ALKBH8: variants seen among roughly 807,000 people sequenced by gnomAD.
ALKBH8 encodes tRNA (carboxymethyluridine(34)-5-O)-methyltransferase ALKBH8.
A neutral mutation model predicts 59.8 loss-of-function variants in ALKBH8; 36 were observed. That is an observed-to-expected ratio of 0.60 (90% CI 0.46 to 0.79). ALKBH8 has a LOEUF of 0.79. Among genes scored for constraint, ALKBH8 ranks in the 30% least tolerant of loss-of-function variants. The pLI is 0.00. For synonymous variants in ALKBH8, 276 were observed against 273.6 expected (o/e 1.01, Z -0.09); for missense variants, 768 against 801.0 (o/e 0.96, Z 0.50).
At chr11:107,557,777 T>A (rs190010232) in intron 2 of ALKBH8, among the ~76,000 whole-genome samples, 2 of 152,328 alleles carry the variant, frequency 1.3e-5, no homozygotes, top group East Asian at 3.9e-4. Context: ...CAAGGAAATT[T>A]TGCAGGGATG....
chr11:107,529,725 G>A (rs1485355392), intron 8 of ALKBH8, among the ~76,000 whole-genome samples: 3 of 151,382 alleles, frequency 2.0e-5, no homozygotes, highest in Non-Finnish European at 4.4e-5. Context: ...GTCTGGTCTC[G>A]GACTCCTGAC....
chr11:107,505,583 C>T (rs995422885), intron 11 of ALKBH8, among the ~76,000 whole-genome samples: 1 of 152,204 alleles, frequency 6.6e-6, no homozygotes, highest in African/African-American at 2.4e-5. Flanking sequence ...ATCGTGTCAA[C>T]TATACTATGG....
intron 1 of ALKBH8, chr11:107,565,341 C>T (rs1865087828): frequency 5.2e-6 from 3 of 572,532 alleles, no homozygotes; most frequent in South Asian, 2.1e-5. Context: ...CTCTCCAACC[C>T]CAAAGAAAAC....
At chr11:107,553,261 T>A in intron 4 of ALKBH8, 58 bp from the exon 5 acceptor site, 5 of 1,171,726 alleles carry the variant, frequency 4.3e-6, no homozygotes, top group Non-Finnish European at 4.8e-6. Flanking sequence ...TTCCTTTGCA[T>A]ATTTCAGTCA....
chr11:107,538,397 T>TA (rs1278055427), intron 7 of ALKBH8, among the ~76,000 whole-genome samples: 1 of 152,154 alleles, frequency 6.6e-6, no homozygotes, highest in Non-Finnish European at 1.5e-5. Context: ...AAAAAGACTT[T>TA]AAAAAAATAT....
intron 8 of ALKBH8, among the ~76,000 whole-genome samples, chr11:107,528,731 T>C (rs1863452649): frequency 6.6e-6 from 1 of 152,142 alleles, no homozygotes; most frequent in Admixed American, 6.5e-5. Context: ...ATCCATATGT[T>C]AAAGTAATGA....
intron 7 of ALKBH8, among the ~76,000 whole-genome samples, chr11:107,535,372 T>A (rs181552355): frequency 2.4e-4 from 36 of 152,318 alleles, no homozygotes; most frequent in Non-Finnish European, 7.4e-5. Context: ...TTCTGACCAA[T>A]AGTGTAAAAG....
chr11:107,508,532 T>G (rs1862490600), intron 11 of ALKBH8, among the ~76,000 whole-genome samples: 1 of 152,186 alleles, frequency 6.6e-6, no homozygotes, highest in Non-Finnish European at 1.5e-5. Context: ...TTTTAACCAT[T>G]TTTAAGTGTA....
chr11:107,513,840 G>C (rs1249107156), intron 10 of ALKBH8, among the ~76,000 whole-genome samples: 2 of 152,140 alleles, frequency 1.3e-5, no homozygotes, highest in Admixed American at 6.5e-5. Flanking sequence ...GCTAAATGCT[G>C]AGTACACATG....
At chr11:107,505,367 A>G (rs570746407) in intron 11 of ALKBH8, among the ~76,000 whole-genome samples, 152 bp from the exon 12 acceptor site, 52 of 152,322 alleles carry the variant, frequency 3.4e-4, no homozygotes, top group African/African-American at 1.2e-3. Flanking sequence ...AAGAAGAAAG[A>G]GCATTCTGTT....
intron 10 of ALKBH8, among the ~76,000 whole-genome samples, chr11:107,512,076 CT>C (rs1359003139): frequency 1.3e-5 from 2 of 152,008 alleles, no homozygotes; most frequent in Non-Finnish European, 2.9e-5. Context: ...CCTAGCATGC[CT>C]TATGTATGCA....
Position 107,549,837 on chromosome 11 carries a change from C to T in ALKBH8, c.701-14G>A. On this transcript the variant is annotated splice_polypyrimidine_tract_variant and intron_variant, in intron 6 of 11. Coordinates refer to ENST00000428149, the MANE Select transcript of ALKBH8 (RefSeq NM_138775.3). ...GAGCGGGAATTCCTGAGATGGAAAA[C>T]AGGACAACACGTCACTTCATTTTTT... 6.6e-7 allele frequency: 1 copy of T among 1,518,134 alleles called. No homozygotes were observed. The highest frequency in any genetic ancestry group is 8.9e-7 in the Non-Finnish European group (1 of 1,117,332). 94.0% of individuals were successfully genotyped at this position (1,518,134 alleles called of 1,614,324 possible).
chr11:107,557,629 T>C (rs539784542), intron 2 of ALKBH8, among the ~76,000 whole-genome samples: 132 of 152,344 alleles, frequency 8.7e-4, no homozygotes, highest in African/African-American at 3.0e-3. Flanking sequence ...ATAGCTTCTA[T>C]TGAACATAAT....
intron 5 of ALKBH8, among the ~76,000 whole-genome samples, chr11:107,552,188 T>C (rs1244192350): frequency 1.3e-5 from 2 of 151,780 alleles, no homozygotes; most frequent in African/African-American, 4.8e-5. Context: ...TATAAAAATA[T>C]ACTATATATT....
intron 1 of ALKBH8, among the ~76,000 whole-genome samples, chr11:107,562,397 T>C (rs1864974080): frequency 6.7e-6 from 1 of 149,890 alleles, no homozygotes; most frequent in African/African-American, 2.5e-5. Context: ...TAGAATCAAA[T>C]AAAAAGGAAA....
chr11:107,564,242 CA>C (rs1865046020), intron 1 of ALKBH8, among the ~76,000 whole-genome samples: 1 of 151,972 alleles, frequency 6.6e-6, no homozygotes, highest in Non-Finnish European at 1.5e-5. Flanking sequence ...AGTTTAAAGC[CA>C]ATATATCCTA....
intron 10 of ALKBH8, among the ~76,000 whole-genome samples, chr11:107,518,140 TA>T (rs1471922973): frequency 6.6e-6 from 1 of 152,136 alleles, no homozygotes; most frequent in East Asian, 1.9e-4. Flanking sequence ...TATCAGAATA[TA>T]AATGAGATAA....
intron 10 of ALKBH8, among the ~76,000 whole-genome samples, chr11:107,514,952 C>T (rs544772307): frequency 6.6e-6 from 1 of 152,284 alleles, no homozygotes; most frequent in South Asian, 2.1e-4. Context: ...CCTCTCCTTG[C>T]CAGGCTCTTA....
intron 11 of ALKBH8, among the ~76,000 whole-genome samples, chr11:107,506,684 A>G (rs1408683344): frequency 6.6e-6 from 1 of 152,196 alleles, no homozygotes; most frequent in East Asian, 1.9e-4. Flanking sequence ...AACAGTGTCA[A>G]TCGAGAATTT....
Sources: allele counts gnomAD v4.1 joint callset (sites outside exome capture counted in the v4.1 genomes callset), GRCh38; gene constraint gnomAD v4.1.1; transcripts MANE v1.5; gene names NCBI Gene and HGNC (gene_info 2026-07-23, HGNC 2026-07-21).